The following PTP4A1 variants were observed in gnomAD, a reference collection of about 807,000 sequenced individuals.
The protein encoded by PTP4A1 is protein tyrosine phosphatase type IVA 1.
Under a neutral mutation model 20.5 loss-of-function variants are expected in PTP4A1, and 9 were observed. That is an observed-to-expected ratio of 0.44 (90% CI 0.26 to 0.77). PTP4A1 has a LOEUF of 0.77. PTP4A1 is among the 30% of genes least tolerant of loss of function. PTP4A1 has a pLI of 0.19. For synonymous variants in PTP4A1, 78 were observed against 67.4 expected, an observed-to-expected ratio of 1.16 and a Z score of -0.77; for missense variants, 137 against 218.8, an observed-to-expected ratio of 0.63 and a Z score of 2.36.
At chr6:63,520,463 TCAAA>T (rs1441010501), upstream of PTP4A1, among the ~76,000 whole-genome samples, 1 of 151,668 alleles carries the variant, frequency 6.6e-6, no homozygotes, top group East Asian at 1.9e-4. Flanking sequence ...CCCATCTGTA[TCAAA>T]AATACAAAAA....
chr6:63,579,596 G>C (rs1347022241), intron 5 of PTP4A1, among the ~76,000 whole-genome samples: 1 of 151,974 alleles, frequency 6.6e-6, no homozygotes, highest in Non-Finnish European at 1.5e-5. Context: ...TTTTTATTGA[G>C]GTATAATTAA....
chr6:63,538,700 G>C (rs1473590011), intron 2 of PTP4A1, among the ~76,000 whole-genome samples: 1 of 152,064 alleles, frequency 6.6e-6, no homozygotes, highest in Non-Finnish European at 1.5e-5. Context: ...GCCTACAATA[G>C]TTCAAAACAT....
chr6:63,528,446 C>T (rs1457422155), intron 2 of PTP4A1, among the ~76,000 whole-genome samples: 1 of 150,568 alleles, frequency 6.6e-6, no homozygotes, highest in African/African-American at 2.4e-5. Context: ...TTTTTAAGGC[C>T]GGGTACAGTG....
chr6:63,548,996 A>G, intron 2 of PTP4A1: 1 of 730,788 alleles, frequency 1.4e-6, no homozygotes, highest in Non-Finnish European at 2.5e-6. Flanking sequence ...GACACAGGGC[A>G]GGCAAGAAGA....
intron 1 of PTP4A1, among the ~76,000 whole-genome samples, chr6:63,574,110 CTCAG>C (rs1187556726): frequency 7.9e-5 from 12 of 151,872 alleles, no homozygotes; most frequent in African/African-American, 2.4e-4. Flanking sequence ...CTTCCTGTTA[CTCAG>C]TCAGTTGAAA....
At chr6:63,572,473 C>T (rs530940270), upstream of PTP4A1, 5 of 387,638 alleles carry the variant, frequency 1.3e-5, no homozygotes, top group Non-Finnish European at 2.3e-5. Context: ...GCTTGTGACG[C>T]AAGGGCGCCT....
rs1775151001 is a variant in PTP4A1 at position 63,526,045 on chromosome 6, C to A, written c.-905-1774C>A. Among the ~76,000 whole-genome samples, 3 of 152,286 alleles carry A rather than the reference C, an allele frequency of 2.0e-5. No homozygotes were observed. The Middle Eastern group carries it at 0.01, about 518-fold the overall frequency. The stretch of plus-strand genomic sequence containing the variant: ...TTTATTGCCTTAAGAAATTTCTAGG[C>A]CAGGCGCAGTGGCTCATGCCTGTAA... On this transcript the variant is annotated intron_variant, in intron 1 of 3. Transcript: ENST00000639568.
chr6:63,567,419 CA>C (rs1484404375), intron 3 of PTP4A1, among the ~76,000 whole-genome samples: 1 of 152,224 alleles, frequency 6.6e-6, no homozygotes, highest in Non-Finnish European at 1.5e-5. Flanking sequence ...ACATCTCCAT[CA>C]GAGCATTTCA....
upstream of PTP4A1, among the ~76,000 whole-genome samples, chr6:63,520,435 T>C (rs541505870): frequency 1.1e-4 from 17 of 152,244 alleles, no homozygotes; most frequent in African/African-American, 4.1e-4. Context: ...AAGACCAGCC[T>C]GGCCAATGTG....
chr6:63,524,216 C>T (rs1230964178), intron 1 of PTP4A1, among the ~76,000 whole-genome samples: 2 of 152,076 alleles, frequency 1.3e-5, no homozygotes, highest in Admixed American at 1.3e-4. Context: ...AACTCCTGGC[C>T]TCAAATAATC....
intron 2 of PTP4A1, among the ~76,000 whole-genome samples, chr6:63,533,986 G>C (rs1392784916): frequency 1.3e-5 from 2 of 152,100 alleles, no homozygotes; most frequent in South Asian, 2.1e-4. Flanking sequence ...TGGAATAACA[G>C]GTGCACACCA....
chr6:63,552,249 A>G (rs1776481225), intron 3 of PTP4A1, among the ~76,000 whole-genome samples: 2 of 152,076 alleles, frequency 1.3e-5, no homozygotes, highest in South Asian at 4.1e-4. Flanking sequence ...ATGGTATCTC[A>G]TTGTGGTTTT....
chr6:63,564,955 C>T (rs1777126290), intron 3 of PTP4A1, among the ~76,000 whole-genome samples: 1 of 152,176 alleles, frequency 6.6e-6, no homozygotes, highest in African/African-American at 2.4e-5. Context: ...GAAATGGTGC[C>T]TTTCAGCATG....
Position 63,580,519 on chromosome 6 carries a change from G to T in PTP4A1, c.*345G>T. 1 of 185,828 alleles carries T rather than the reference G, an allele frequency of 5.4e-6. No individual in the cohort carries two copies. The highest frequency in any genetic ancestry group is 1.3e-4 in the South Asian group (1 of 7,852). 11.5% of individuals were successfully genotyped at this position (185,828 alleles called of 1,614,324 possible). On this transcript the variant is annotated 3_prime_UTR_variant, in exon 6 of 6. Coordinates refer to ENST00000626021, the MANE Select transcript of PTP4A1 (RefSeq NM_003463.5). ...ATACATAAGAAATTTAGGAAGATTA[G>T]GTGCCAAAATACCCAGCACAATACT...
chr6:63,551,975 C>T (rs1375600719), intron 3 of PTP4A1, among the ~76,000 whole-genome samples: 1 of 152,200 alleles, frequency 6.6e-6, no homozygotes, highest in East Asian at 1.9e-4. Context: ...CAAGTCTTTG[C>T]TATTGTGAGT....
intron 2 of PTP4A1, chr6:63,549,182 C>T: frequency 1.5e-6 from 1 of 688,498 alleles, no homozygotes; most frequent in Non-Finnish European, 2.6e-6. Flanking sequence ...TCTGTTTCTT[C>T]TCTTGCTTAG....
chr6:63,571,450 G>A (rs1777421353), upstream of PTP4A1: 1 of 152,136 alleles, frequency 6.6e-6, no homozygotes, highest in South Asian at 2.1e-4. Flanking sequence ...AAATAACAGA[G>A]GTGCCCTTGT....
rs1470148804 is a variant in PTP4A1 at position 63,581,802 on chromosome 6, A to G, written c.*1628A>G. ...CTGAGCCTCAGTTTTCTCCTTTGCA[A>G]ATTAATAATTACATACCTTTATAGA... On this transcript the variant is annotated 3_prime_UTR_variant, in exon 6 of 6. Transcript: ENST00000626021. 4 of 152,146 alleles carry G rather than the reference A, an allele frequency of 2.6e-5. No homozygotes were observed. Among genetic ancestry groups the G allele is most frequent in the African/African-American group, 4.8e-5 (2 of 41,448 alleles). The allele number at this position is 152,146 out of a possible 1,614,324, so 9.4% of individuals were successfully genotyped here. A position where few individuals can be genotyped will look rare whatever the true frequency, so the allele number is the denominator to read the frequency against.
rs149796392 is a variant in PTP4A1, at chr6:63,525,411, G to A, written c.-905-2408G>A. Among the ~76,000 whole-genome samples, 7 of 152,266 alleles carry A rather than the reference G, an allele frequency of 4.6e-5. No individual in the cohort carries two copies. The East Asian group carries it at 5.8e-4, about 13-fold the overall frequency. On this transcript the variant is annotated intron_variant, in intron 1 of 3. Transcript: ENST00000639568. ...AAGGAGGTGGAACACACTCCTTCCCGTTTGCTTGCTATTCTTGTCAGTATC... is the reference window on the plus strand; with the variant it reads ...AAGGAGGTGGAACACACTCCTTCCCATTTGCTTGCTATTCTTGTCAGTATC...
Sources: allele counts gnomAD v4.1 joint callset (sites outside exome capture counted in the v4.1 genomes callset), GRCh38; gene constraint gnomAD v4.1.1; transcripts MANE v1.5; gene names NCBI Gene and HGNC (gene_info 2026-07-23, HGNC 2026-07-21).